Variants in TBC1D23 observed in about 807,000 individuals in gnomAD.
TBC1D23 encodes TBC1 domain family member 23.
In TBC1D23, 55 loss-of-function variants were observed where a neutral mutation model predicts 91.4. That is an observed-to-expected ratio of 0.60 (90% CI 0.48 to 0.75). The LOEUF (loss-of-function observed/expected upper bound fraction) is 0.75. TBC1D23 is among the 30% of genes least tolerant of loss of function. The probability of loss-of-function intolerance (pLI) is 0.00; values close to 1 mark genes in which losing one functional copy is unlikely to be tolerated. For synonymous variants in TBC1D23, 289 were observed against 281.0 expected, an observed-to-expected ratio of 1.03 and a Z score of -0.28; for missense variants, 725 against 836.1, an observed-to-expected ratio of 0.87 and a Z score of 1.64.
chr3:100,262,241 T>C (rs757067233), intron 1 of TBC1D23, among the ~76,000 whole-genome samples: 1 of 152,108 alleles, frequency 6.6e-6, no homozygotes, highest in African/African-American at 2.4e-5. Flanking sequence ...TCTTATTCTT[T>C]GTGAGTGTGA....
intron 1 of TBC1D23, among the ~76,000 whole-genome samples, chr3:100,275,038 A>G (rs115526514): frequency 0.012 from 1,868 of 151,830 alleles, 19 homozygotes; most frequent in Non-Finnish European, 0.021. Context: ...TCTTTCAGAC[A>G]TTTCAGGATA....
chr3:100,323,073 T>C (rs1705891696), intron 18 of TBC1D23, among the ~76,000 whole-genome samples: 1 of 152,246 alleles, frequency 6.6e-6, no homozygotes, highest in Non-Finnish European at 1.5e-5. Flanking sequence ...AACGCCATTT[T>C]ATTATGTACA....
rs572121584 is a variant in TBC1D23 at position 100,268,629 on chromosome 3, T to G, written c.53+7558T>G. Among the ~76,000 whole-genome samples, 8 of 152,042 alleles carry G rather than the reference T, an allele frequency of 5.3e-5. No homozygotes were observed. The South Asian group carries it at 1.7e-3, about 31-fold the overall frequency. Reference sequence around the variant, plus strand: ...ATTTGTAATTGACATAGGTAATATCTCTCTCTCTTTGCTGTTTTCGTGCCA... The same window carrying G: ...ATTTGTAATTGACATAGGTAATATCGCTCTCTCTTTGCTGTTTTCGTGCCA... On this transcript the variant is annotated intron_variant, in intron 1 of 18. Transcript: ENST00000394144.
At chr3:100,275,852 C>T (rs976879648) in intron 1 of TBC1D23, among the ~76,000 whole-genome samples, 1 of 152,072 alleles carries the variant, frequency 6.6e-6, no homozygotes, top group Non-Finnish European at 1.5e-5. Context: ...TATATTGATA[C>T]ATGCTACATT....
chr3:100,261,421 G>A (rs2067509758), intron 1 of TBC1D23: 1 of 336,502 alleles, frequency 3.0e-6, no homozygotes. Flanking sequence ...GAAGAAGGAA[G>A]TTTGTTGGAT....
chr3:100,302,112 C>G lies in TBC1D23; in HGVS notation c.1138C>G (p.Leu380Val), dbSNP rs775713945. 24 of 1,613,614 alleles carry G rather than the reference C, an allele frequency of 1.5e-5. No homozygotes were observed. The highest frequency in any genetic ancestry group is 1.9e-5 in the Non-Finnish European group (23 of 1,179,866). ...SEFAQSVKSL[L>V]EAQKQSIESG... ...GTTTGCACAGTCAGTAAAATCCTTGCTGGAAGCACAGAAGCAGTCCATTGA... is the reference window on the plus strand; with the variant it reads ...GTTTGCACAGTCAGTAAAATCCTTGGTGGAAGCACAGAAGCAGTCCATTGA... Residue 380 changes from leucine (L) to valine (V), a missense_variant, in exon 11 of 19, where the codon CTG (leucine) becomes GTG (valine). Leu to Val is a conservative substitution (Grantham distance 32, BLOSUM62 1). Transcript: ENST00000394144.
intron 5 of TBC1D23, among the ~76,000 whole-genome samples, chr3:100,294,156 T>C (rs2148860908): frequency 1.3e-5 from 2 of 152,336 alleles, no homozygotes; most frequent in Middle Eastern, 6.8e-3. Flanking sequence ...AAATATTACT[T>C]CATGCAACTT....
At chr3:100,306,217 G>A (rs990811104) in intron 12 of TBC1D23, among the ~76,000 whole-genome samples, 1 of 152,170 alleles carries the variant, frequency 6.6e-6, no homozygotes, top group Non-Finnish European at 1.5e-5. Context: ...GTTAAGAAAA[G>A]TTATCCGTGT....
chr3:100,277,061 ACAC>A (rs1576161559), intron 1 of TBC1D23, among the ~76,000 whole-genome samples: 1 of 152,218 alleles, frequency 6.6e-6, no homozygotes, highest in African/African-American at 2.4e-5. Context: ...ACTGAACAAA[ACAC>A]AGCCCACCCA....
chr3:100,320,640 A>T, intron 17 of TBC1D23, 137 bp from the exon 18 acceptor site: 1 of 453,884 alleles, frequency 2.2e-6, no homozygotes, highest in Non-Finnish European at 3.7e-6. Context: ...TTTATAGATT[A>T]ACCTCTGTTT....
In TBC1D23 at chr3:100,324,606, C is replaced by A. The variant is rs1415523195; in HGVS notation, c.*938C>A. ...GTTTTTGTCATCATTTTCTGAATTTCTTTCTCTTCTTTTGGTTTTGTCCTC... is the reference window on the plus strand; with the variant it reads ...GTTTTTGTCATCATTTTCTGAATTTATTTCTCTTCTTTTGGTTTTGTCCTC... On this transcript the variant is annotated 3_prime_UTR_variant, in exon 19 of 19. Coordinates refer to ENST00000394144, the MANE Select transcript of TBC1D23 (RefSeq NM_001199198.3). 3 of 152,118 alleles carry A rather than the reference C, an allele frequency of 2.0e-5. No homozygotes were observed. Among genetic ancestry groups the A allele is most frequent in the Admixed American group, 6.5e-5 (1 of 15,272 alleles). 9.4% of individuals were successfully genotyped at this position (152,118 alleles called of 1,614,324 possible). A position where few individuals can be genotyped will look rare whatever the true frequency, so the allele number is the denominator to read the frequency against.
At chr3:100,285,839 T>C (rs2067737008) in intron 4 of TBC1D23, among the ~76,000 whole-genome samples, 1 of 152,248 alleles carries the variant, frequency 6.6e-6, no homozygotes, top group Non-Finnish European at 1.5e-5. Context: ...TCTTTTTATG[T>C]GTTTATTGGC....
intron 2 of TBC1D23, among the ~76,000 whole-genome samples, chr3:100,281,400 T>A (rs1320605600): frequency 2.0e-5 from 3 of 152,222 alleles, no homozygotes; most frequent in African/African-American, 7.2e-5. Context: ...TGTATAATTT[T>A]AAAATGTACA....
At chr3:100,299,791 G>A (rs567253191) in intron 10 of TBC1D23, among the ~76,000 whole-genome samples, 4 of 152,206 alleles carry the variant, frequency 2.6e-5, no homozygotes, top group Non-Finnish European at 4.4e-5. Context: ...GATTATAGGC[G>A]TGAGCCACCA....
At chr3:100,291,514 C>T (rs573679227) in intron 5 of TBC1D23, among the ~76,000 whole-genome samples, 4 of 149,262 alleles carry the variant, frequency 2.7e-5, no homozygotes, top group South Asian at 4.2e-4. Context: ...ACCTGGGAGG[C>T]GGAGGTTGCA....
chr3:100,277,091 C>A (rs930414646), intron 1 of TBC1D23, among the ~76,000 whole-genome samples: 2 of 152,150 alleles, frequency 1.3e-5, no homozygotes, highest in Admixed American at 6.6e-5. Context: ...CCACACCAGA[C>A]ATGGATTTTG....
At chr3:100,286,872 A>G (rs2067747600) in intron 4 of TBC1D23, among the ~76,000 whole-genome samples, 1 of 151,760 alleles carries the variant, frequency 6.6e-6, no homozygotes, top group Non-Finnish European at 1.5e-5. Flanking sequence ...CTGGCGTGCA[A>G]TGGCATGATC....
chr3:100,274,908 T>G (rs746769688), intron 1 of TBC1D23, among the ~76,000 whole-genome samples: 36 of 80,018 alleles, frequency 4.5e-4, no homozygotes, highest in Non-Finnish European at 1.0e-3. Flanking sequence ...CCCCCCTTTT[T>G]GTTTATTCAT....
At chr3:100,286,117 A>C (rs890588270) in intron 4 of TBC1D23, among the ~76,000 whole-genome samples, 1 of 152,210 alleles carries the variant, frequency 6.6e-6, no homozygotes, top group Admixed American at 6.5e-5. Flanking sequence ...AGGAAAACAG[A>C]CTTAAAGATA....
Sources: gnomAD v4.1 joint callset for allele counts (sites outside exome capture counted in the v4.1 genomes callset) on GRCh38, gnomAD v4.1.1 for gene constraint, MANE v1.5 for transcripts, NCBI Gene and HGNC (gene_info 2026-07-23, HGNC 2026-07-21) for gene names.